Variants in OTUD3 observed in about 807,000 individuals in gnomAD.
The protein encoded by OTUD3 is OTU deubiquitinase 3.
A neutral mutation model predicts 46.2 loss-of-function variants in OTUD3; 24 were observed. The observed-to-expected ratio is 0.52, with a 90% CI of 0.38 to 0.73. The LOEUF is 0.73. Among genes scored for constraint, OTUD3 ranks in the 30% least tolerant of loss-of-function variants. OTUD3 has a pLI of 0.00. For synonymous variants in OTUD3, 189 were observed against 195.4 expected (o/e 0.97, Z 0.27); for missense variants, 455 against 523.3 (o/e 0.87, Z 1.27).
chr1:19,901,907 A>G (rs1431724304), intron 4 of OTUD3, among the ~76,000 whole-genome samples: 1 of 152,160 alleles, frequency 6.6e-6, no homozygotes, highest in Non-Finnish European at 1.5e-5. Context: ...TTGTGCACCC[A>G]TTCATCTGTT....
chr1:19,911,202 C>T lies in OTUD3; in HGVS notation c.*3456C>T, dbSNP rs1162385769. On this transcript the variant is annotated 3_prime_UTR_variant, in exon 8 of 8. Transcript: ENST00000375120. ...GATGCGTAGCTCTTCACTTTCTTAC[C>T]TCAAGGCTCTGTCTAGCCATGTTAA... is the stretch of plus-strand genomic sequence containing the variant. 1 of 152,270 alleles carries T rather than the reference C, an allele frequency of 6.6e-6. No individual in the cohort carries two copies. The highest frequency in any genetic ancestry group is 1.9e-4 in the East Asian group (1 of 5,330). The allele number at this position is 152,270 out of a possible 1,614,324, so 9.4% of individuals were successfully genotyped here. A position where few individuals can be genotyped will look rare whatever the true frequency, so the allele number is the denominator to read the frequency against.
At chr1:19,884,744 C>T (rs1034689543) in intron 1 of OTUD3, among the ~76,000 whole-genome samples, 5 of 152,302 alleles carry the variant, frequency 3.3e-5, no homozygotes, top group Admixed American at 2.6e-4. Flanking sequence ...GAAAAAGGTA[C>T]ATTACATCTT....
rs186141711 is a variant in OTUD3, at chr1:19,910,505, A to G, written c.*2759A>G. The G allele has an allele frequency of 1.6e-4, 24 of 152,498 alleles. No homozygotes were observed. Among genetic ancestry groups the G allele is most frequent in the African/African-American group, 5.5e-4 (23 of 41,584 alleles). The allele number at this position is 152,498 out of a possible 1,614,324, so 9.4% of individuals were successfully genotyped here. A position where few individuals can be genotyped will look rare whatever the true frequency, so the allele number is the denominator to read the frequency against. Reference sequence around the variant, plus strand: ...ATAACTTCTAGATAATGTAGTTGCCACTAGGAGATATTAGAAAGTTAGAAT... The same window carrying G: ...ATAACTTCTAGATAATGTAGTTGCCGCTAGGAGATATTAGAAAGTTAGAAT... On this transcript the variant is annotated 3_prime_UTR_variant, in exon 8 of 8. Transcript: ENST00000375120.
intron 1 of OTUD3, among the ~76,000 whole-genome samples, chr1:19,889,039 A>G (rs902859579): frequency 2.0e-5 from 3 of 152,242 alleles, no homozygotes; most frequent in Non-Finnish European, 2.9e-5. Flanking sequence ...ACTAAATTCA[A>G]GAATAGGCTA....
intron 4 of OTUD3, among the ~76,000 whole-genome samples, chr1:19,898,814 TTTTA>T (rs1451445198): frequency 6.6e-6 from 1 of 152,104 alleles, no homozygotes; most frequent in African/African-American, 2.4e-5. Context: ...TTTTAAACAA[TTTTA>T]TTTATTTTTT....
chr1:19,882,864 G>A (rs1050502704), intron 1 of OTUD3, 130 bp downstream of exon 1: 1 of 792,818 alleles, frequency 1.3e-6, no homozygotes, highest in Non-Finnish European at 1.7e-6. Flanking sequence ...AGCCAGCCAC[G>A]CTCCGAGTGC....
chr1:19,910,402 T>A lies in OTUD3; in HGVS notation c.*2656T>A, dbSNP rs1223181749. 7 of 152,288 alleles carry A rather than the reference T, an allele frequency of 4.6e-5. No homozygotes were observed. 9.4% of individuals were successfully genotyped at this position (152,288 alleles called of 1,614,324 possible). A position where few individuals can be genotyped will look rare whatever the true frequency, so the allele number is the denominator to read the frequency against. The stretch of plus-strand genomic sequence containing the variant: ...TACGGATTTTGAAAATATTTTTTTT[T>A]AGAGGTCAAAATAAATACCATTTTA... On this transcript the variant is annotated 3_prime_UTR_variant, in exon 8 of 8. Coordinates refer to ENST00000375120, the MANE Select transcript of OTUD3 (RefSeq NM_015207.2).
intron 2 of OTUD3, among the ~76,000 whole-genome samples, chr1:19,893,648 G>A (rs944653937): frequency 2.0e-5 from 3 of 152,182 alleles, no homozygotes; most frequent in East Asian, 1.9e-4. Context: ...GGAGAGGCCC[G>A]TCATGAATAA....
chr1:19,885,579 G>A (rs2045347277), intron 1 of OTUD3, among the ~76,000 whole-genome samples: 1 of 152,084 alleles, frequency 6.6e-6, no homozygotes, highest in South Asian at 2.1e-4. Flanking sequence ...TCAGCCTCCT[G>A]AGTAGCTGGG....
At position 19,890,439 on chromosome 1, in the gene OTUD3, T is replaced by C; in HGVS notation, c.276T>C (p.His92=). The C allele has an allele frequency of 6.2e-7, 1 of 1,613,982 alleles. No individual in the cohort carries two copies. The highest frequency in any genetic ancestry group is 8.5e-7 in the Non-Finnish European group (1 of 1,179,866). Residue 92 remains histidine, a synonymous_variant, in exon 2 of 8, where the codon CAT becomes CAC. Coordinates refer to ENST00000375120, the MANE Select transcript of OTUD3 (RefSeq NM_015207.2). ...AATTGGAGGGACACTCACGAAATCA[T>C]CTCAAGCACAGACAGGAGACAGTGG... The part of the protein sequence containing the change: ...GDQLEGHSRN[H]LKHRQETVDY...
At chr1:19,897,864 CTGATAGT>C (rs1307030653) in intron 4 of OTUD3, 87 of 452,272 alleles carry the variant, frequency 1.9e-4, no homozygotes, top group African/African-American at 1.7e-3. Context: ...TTTGCTTTTT[CTGATAGT>C]TGATAGTTAC....
chr1:19,886,974 T>C (rs1232564041), intron 1 of OTUD3, among the ~76,000 whole-genome samples: 3 of 152,204 alleles, frequency 2.0e-5, no homozygotes, highest in Non-Finnish European at 4.4e-5. Context: ...AAGAAACAGG[T>C]GAAACTAATT....
chr1:19,883,514 T>A (rs2045306123), intron 1 of OTUD3, among the ~76,000 whole-genome samples: 1 of 152,204 alleles, frequency 6.6e-6, no homozygotes, highest in Non-Finnish European at 1.5e-5. Flanking sequence ...TTGTCAGCTG[T>A]GTCACTTTGG....
chr1:19,897,635 A>C lies in OTUD3; in HGVS notation c.579A>C (p.Ser193=), dbSNP rs370769377. 3.1e-6 allele frequency: 5 copies of C among 1,613,898 alleles called. No homozygotes were observed. Among genetic ancestry groups the C allele is most frequent in the East Asian group, 4.5e-5 (2 of 44,866 alleles). Residue 193 remains serine, a synonymous_variant, in exon 4 of 8, where the codon TCA becomes TCC. Transcript: ENST00000375120. ...GTGTTCGGAGGATCAATGACAACTC[A>C]GAGGCACCTGCACATCTCCAGACGG... ...YDSVRRINDN[S]EAPAHLQTDF...
Position 19,882,467 on chromosome 1 carries a change from G to A in OTUD3, c.-47G>A, listed in dbSNP as rs913928201. 2 of 1,330,494 alleles carry A rather than the reference G, an allele frequency of 1.5e-6. No homozygotes were observed. The highest frequency in any genetic ancestry group is 2.0e-5 in the South Asian group (1 of 49,120). The allele number at this position is 1,330,494 out of a possible 1,614,324, so 82.4% of individuals were successfully genotyped here. The stretch of plus-strand genomic sequence containing the variant: ...CCAACGCTTGAGGCGGACGCTGGGG[G>A]GTCCTGCGCCTTTCCCTCCTGCCGC... On this transcript the variant is annotated 5_prime_UTR_variant, in exon 1 of 8. Coordinates refer to ENST00000375120, the MANE Select transcript of OTUD3 (RefSeq NM_015207.2).
intron 1 of OTUD3, among the ~76,000 whole-genome samples, chr1:19,887,082 C>CTTTTTTTTTTTTT (rs35763768): frequency 7.5e-6 from 1 of 133,482 alleles, no homozygotes; most frequent in African/African-American, 2.8e-5. Context: ...TTTTCTTTTT[C>CTTTTTTTTTTTTT]TTTTTTTTTT....
chr1:19,906,379 A>G, intron 6 of OTUD3, 53 bp from the exon 7 acceptor site: 1 of 1,540,112 alleles, frequency 6.5e-7, no homozygotes, highest in Non-Finnish European at 8.9e-7. Flanking sequence ...TACAGTCATC[A>G]CCCTGTGTAA....
intron 2 of OTUD3, 54 bp downstream of exon 2, chr1:19,890,587 A>G (rs1177174567): frequency 6.7e-7 from 1 of 1,491,658 alleles, no homozygotes; most frequent in Non-Finnish European, 9.3e-7. Context: ...TGGGTAATTA[A>G]GTCCACTGGC....
intron 4 of OTUD3, among the ~76,000 whole-genome samples, chr1:19,902,352 C>T (rs1404119124): frequency 6.6e-6 from 1 of 152,052 alleles, no homozygotes; most frequent in Non-Finnish European, 1.5e-5. Flanking sequence ...ACTACAGGGA[C>T]CCACCGCCAC....
Sources: gnomAD v4.1 joint callset for allele counts (sites outside exome capture counted in the v4.1 genomes callset) on GRCh38, gnomAD v4.1.1 for gene constraint, MANE v1.5 for transcripts, NCBI Gene and HGNC (gene_info 2026-07-23, HGNC 2026-07-21) for gene names.